WAPL: variants seen among roughly 807,000 people sequenced by gnomAD.
WAPL encodes the protein WAPL cohesin release factor.
In WAPL, 5 loss-of-function variants were observed where a neutral mutation model predicts 121.0. The ratio of observed to expected loss-of-function variants is 0.04; its 90% CI spans 0.02 to 0.09. The LOEUF is 0.09. Ranked by LOEUF, WAPL falls within the 10% of genes least tolerant of loss-of-function variation. WAPL has a pLI of 1.00. For missense variants in WAPL, 999 were observed against 1,410.8 expected (o/e 0.71, Z 4.68); for synonymous variants, 480 against 481.5 (o/e 1.00, Z 0.04).
chr10:86,474,498 A>G (rs1300240715), intron 4 of WAPL, among the ~76,000 whole-genome samples: 2 of 138,864 alleles, frequency 1.4e-5, no homozygotes, highest in East Asian at 2.1e-4. Flanking sequence ...TGGGTGACAG[A>G]GTGAGACTCC....
intron 1 of WAPL, 103 bp downstream of exon 1, chr10:86,521,262 G>A (rs1009170467): frequency 4.3e-5 from 10 of 233,902 alleles, no homozygotes; most frequent in South Asian, 2.6e-4. Flanking sequence ...TCAGCGGCCC[G>A]GTGGGCGAGG....
chr10:86,445,710 G>A (rs1419222502), intron 16 of WAPL, among the ~76,000 whole-genome samples: 1 of 151,948 alleles, frequency 6.6e-6, no homozygotes, highest in African/African-American at 2.4e-5. Context: ...ATTTTTTGTA[G>A]GGATGGGGTC....
intron 2 of WAPL, among the ~76,000 whole-genome samples, chr10:86,515,261 T>C (rs538445393): frequency 7.1e-6 from 1 of 140,320 alleles, no homozygotes; most frequent in South Asian, 2.3e-4. Context: ...AGACTTCATC[T>C]CAAAAAAAAA....
At chr10:86,471,695 TATC>T (rs1441849927) in intron 7 of WAPL, among the ~76,000 whole-genome samples, 1 of 152,190 alleles carries the variant, frequency 6.6e-6, no homozygotes. Flanking sequence ...CACCTCACTC[TATC>T]ATCCAGGCTG....
chr10:86,450,820 A>G (rs970322947), intron 15 of WAPL, among the ~76,000 whole-genome samples: 2 of 152,258 alleles, frequency 1.3e-5, no homozygotes, highest in Admixed American at 6.5e-5. Flanking sequence ...GTCTAAGAAG[A>G]AAAGCCTAGG....
At chr10:86,483,237 A>G (rs189108289) in intron 4 of WAPL, among the ~76,000 whole-genome samples, 18 of 152,264 alleles carry the variant, frequency 1.2e-4, no homozygotes, top group Non-Finnish European at 2.2e-4. Context: ...CCTGACCAAC[A>G]TGGAAAAACC....
At chr10:86,495,312 C>T (rs1842128872) in intron 4 of WAPL, among the ~76,000 whole-genome samples, 2 of 151,992 alleles carry the variant, frequency 1.3e-5, no homozygotes, top group Admixed American at 1.3e-4. Flanking sequence ...ACAAAAAATA[C>T]AAAAATTAGC....
At chr10:86,448,367 C>T (rs969750843) in intron 15 of WAPL, among the ~76,000 whole-genome samples, 3 of 152,120 alleles carry the variant, frequency 2.0e-5, no homozygotes, top group Admixed American at 6.5e-5. Flanking sequence ...GAAAGGATCA[C>T]CTGAGCCTGG....
At chr10:86,482,893 ATC>A (rs766348522) in intron 4 of WAPL, among the ~76,000 whole-genome samples, 3 of 152,166 alleles carry the variant, frequency 2.0e-5, no homozygotes, top group Admixed American at 6.5e-5. Context: ...GCTTCTGGAG[ATC>A]TGACTTATAG....
intron 2 of WAPL, among the ~76,000 whole-genome samples, chr10:86,512,822 T>C (rs1264200096): frequency 2.6e-5 from 4 of 151,922 alleles, no homozygotes; most frequent in Admixed American, 6.6e-5. Flanking sequence ...CAGATACAAC[T>C]ATTGGAGGTG....
intron 4 of WAPL, among the ~76,000 whole-genome samples, chr10:86,478,042 C>T (rs1313219451): frequency 1.4e-5 from 2 of 142,462 alleles, no homozygotes; most frequent in African/African-American, 2.6e-5. Flanking sequence ...GCAACAAAAG[C>T]GAAACTCTGT....
intron 8 of WAPL, among the ~76,000 whole-genome samples, chr10:86,469,363 G>A (rs972142599): frequency 6.8e-6 from 1 of 147,462 alleles, no homozygotes; most frequent in Middle Eastern, 3.4e-3. Flanking sequence ...AGCAATTCTT[G>A]TGCCTCAGCC....
chr10:86,489,298 T>C (rs1189836385), intron 4 of WAPL, among the ~76,000 whole-genome samples: 1 of 152,220 alleles, frequency 6.6e-6, no homozygotes, highest in East Asian at 1.9e-4. Context: ...GTTGTTTTGC[T>C]ATAAAGAACA....
At chr10:86,501,306 GGT>G (rs1185083956) in intron 2 of WAPL, among the ~76,000 whole-genome samples, 3 of 152,078 alleles carry the variant, frequency 2.0e-5, no homozygotes, top group Admixed American at 6.5e-5. Context: ...CAGTAGTTCT[GGT>G]GTGTTAGTTA....
chr10:86,445,435 G>A (rs891339046), intron 16 of WAPL, among the ~76,000 whole-genome samples: 12 of 151,852 alleles, frequency 7.9e-5, no homozygotes, highest in Non-Finnish European at 1.3e-4. Flanking sequence ...CTATTTTGCA[G>A]AACTTGTATA....
chr10:86,468,927 C>T (rs1017505067), intron 8 of WAPL, among the ~76,000 whole-genome samples: 1 of 151,910 alleles, frequency 6.6e-6, no homozygotes, highest in Non-Finnish European at 1.5e-5. Context: ...ATGATGAAAC[C>T]CTGTCTCTAC....
At chr10:86,491,233 G>C (rs556371037) in intron 4 of WAPL, among the ~76,000 whole-genome samples, 1 of 147,216 alleles carries the variant, frequency 6.8e-6, no homozygotes, top group African/African-American at 2.5e-5. Context: ...TCTGCCTCCC[G>C]GGTTCGCGCC....
At chr10:86,512,739 A>C (rs981169185) in intron 2 of WAPL, among the ~76,000 whole-genome samples, 8 of 152,238 alleles carry the variant, frequency 5.3e-5, no homozygotes, top group African/African-American at 1.9e-4. Flanking sequence ...ATCTTAAACT[A>C]GCTTTAAAAT....
At chr10:86,474,513 CAAAA>C (rs11380209) in intron 4 of WAPL, among the ~76,000 whole-genome samples, 1 of 130,112 alleles carries the variant, frequency 7.7e-6, no homozygotes. Flanking sequence ...GACTCCGTCT[CAAAA>C]AAAAAAAAAA....
Sources: allele counts gnomAD v4.1 joint callset (sites outside exome capture counted in the v4.1 genomes callset), GRCh38; gene constraint gnomAD v4.1.1; transcripts MANE v1.5; gene names NCBI Gene and HGNC (gene_info 2026-07-23, HGNC 2026-07-21).